The following KAZN variants were observed in gnomAD, a reference collection of about 807,000 sequenced individuals.
The protein encoded by KAZN is kazrin, periplakin interacting protein, also known as kazrin.
KAZN carries 40 observed loss-of-function variants against 87.4 expected under a neutral mutation model. That is an observed-to-expected ratio of 0.46 (90% CI 0.36 to 0.60). The LOEUF (loss-of-function observed/expected upper bound fraction) is 0.60. Ranked by LOEUF, KAZN falls within the 20% of genes least tolerant of loss-of-function variation. The pLI, the probability that KAZN is intolerant of heterozygous loss-of-function variation, is 0.00. For synonymous variants in KAZN, 466 were observed against 458.3 expected, an observed-to-expected ratio of 1.02 and a Z score of -0.22; for missense variants, 898 against 1,073.9, an observed-to-expected ratio of 0.84 and a Z score of 2.29.
At chr1:14,368,759 T>A (rs76290696) in intron 2 of KAZN, among the ~76,000 whole-genome samples, 2 of 152,206 alleles carry the variant, frequency 1.3e-5, no homozygotes, top group South Asian at 4.1e-4. Flanking sequence ...AACAATCGAT[T>A]TTTATAGTGT....
chr1:14,755,729 C>T (rs1403491185), intron 1 of KAZN, among the ~76,000 whole-genome samples: 1 of 152,168 alleles, frequency 6.6e-6, no homozygotes, highest in Non-Finnish European at 1.5e-5. Flanking sequence ...CACGGGGTCC[C>T]TCTTGGAATG....
intron 2 of KAZN, among the ~76,000 whole-genome samples, chr1:14,962,774 C>A (rs894262894): frequency 3.9e-5 from 6 of 152,142 alleles, no homozygotes; most frequent in Admixed American, 3.9e-4. Flanking sequence ...GGATTCTCAC[C>A]CCTATGTGCT....
At chr1:15,051,831 G>A (rs563505817) in intron 4 of KAZN, among the ~76,000 whole-genome samples, 1 of 152,340 alleles carries the variant, frequency 6.6e-6, no homozygotes, top group Non-Finnish European at 1.5e-5. Context: ...CTTATATTGT[G>A]GGACCTTGAA....
intron 2 of KAZN, among the ~76,000 whole-genome samples, chr1:14,260,348 G>A (rs913664608): frequency 1.3e-5 from 2 of 152,210 alleles, no homozygotes; most frequent in Non-Finnish European, 2.9e-5. Context: ...TTACAAGGGA[G>A]GGAGGATGGT....
chr1:14,811,229 C>G (rs536430120), intron 1 of KAZN, among the ~76,000 whole-genome samples: 1 of 150,542 alleles, frequency 6.6e-6, no homozygotes, highest in East Asian at 1.9e-4. Flanking sequence ...ATTAGCACGT[C>G]AGCTTTCTCT....
Position 14,684,553 on chromosome 1 carries a change from T to A in KAZN, c.226+85330T>A, listed in dbSNP as rs183417456. On this transcript the variant is annotated intron_variant, in intron 1 of 14. Coordinates refer to ENST00000376030, the MANE Select transcript of KAZN (RefSeq NM_201628.3). ...GAGGCCAGAAGTGTGGACTGAGTCTTATGGGGCTAAAGGCAAAGTGTTGGC... is the reference window on the plus strand; with the variant it reads ...GAGGCCAGAAGTGTGGACTGAGTCTAATGGGGCTAAAGGCAAAGTGTTGGC... 2.0e-5 allele frequency among the ~76,000 whole-genome samples: 3 copies of A among 152,300 alleles called. No individual in the cohort carries two copies. In the East Asian group the frequency reaches 5.8e-4, roughly 29 times the overall value.
At chr1:14,826,383 T>A (rs1472398571) in intron 1 of KAZN, among the ~76,000 whole-genome samples, 2 of 152,264 alleles carry the variant, frequency 1.3e-5, no homozygotes, top group African/African-American at 4.8e-5. Context: ...TTGTAGAGTT[T>A]CTGATAAACA....
chr1:14,504,830 A>C (rs1670464278), intron 2 of KAZN, among the ~76,000 whole-genome samples: 1 of 152,218 alleles, frequency 6.6e-6, no homozygotes, highest in South Asian at 2.1e-4. Context: ...GTTCAGGTGG[A>C]GGCCAACAAA....
intron 1 of KAZN, among the ~76,000 whole-genome samples, chr1:14,149,061 GCCTT>G (rs537235829): frequency 2.2e-4 from 29 of 129,066 alleles, no homozygotes; most frequent in African/African-American, 8.9e-4. Flanking sequence ...CTGCCTTCCT[GCCTT>G]CCTTCCTTCC....
chr1:14,086,349 T>A (rs1309758532), intron 1 of KAZN, among the ~76,000 whole-genome samples: 1 of 152,024 alleles, frequency 6.6e-6, no homozygotes, highest in African/African-American at 2.4e-5. Flanking sequence ...GCTCCTCCCC[T>A]CCCCCAGGTC....
intron 8 of KAZN, 103 bp downstream of exon 8, chr1:15,065,856 A>G: frequency 6.4e-7 from 1 of 1,557,720 alleles, no homozygotes. Flanking sequence ...GCGTGTGTGC[A>G]AGCGAGCGTG....
intron 2 of KAZN, among the ~76,000 whole-genome samples, chr1:15,024,125 T>A (rs1670952680): frequency 6.6e-6 from 1 of 152,078 alleles, no homozygotes; most frequent in Admixed American, 6.5e-5. Flanking sequence ...AGGTCCAGGC[T>A]GAAGCCTGTG....
intron 4 of KAZN, among the ~76,000 whole-genome samples, chr1:15,050,164 A>AGAT (rs2100426700): frequency 1.5e-5 from 1 of 68,924 alleles, no homozygotes; most frequent in South Asian, 6.0e-4. Flanking sequence ...AGAATGGAAT[A>AGAT]GAATAGAATA....
At chr1:14,299,812 A>G (rs1345564790) in intron 2 of KAZN, among the ~76,000 whole-genome samples, 1 of 152,234 alleles carries the variant, frequency 6.6e-6, no homozygotes, top group Non-Finnish European at 1.5e-5. Context: ...ACTAAAGTTC[A>G]TTAGCCAAAG....
At chr1:14,633,972 G>A (rs1470906485) in intron 1 of KAZN, among the ~76,000 whole-genome samples, 2 of 152,020 alleles carry the variant, frequency 1.3e-5, no homozygotes, top group Non-Finnish European at 2.9e-5. Flanking sequence ...ACAAAATGGG[G>A]TTGTTCTGGT....
intron 1 of KAZN, among the ~76,000 whole-genome samples, chr1:14,078,008 A>G (rs1359545879): frequency 6.6e-6 from 1 of 152,230 alleles, no homozygotes; most frequent in African/African-American, 2.4e-5. Context: ...GTTCTCCAAG[A>G]CTGCGAGAGA....
intron 1 of KAZN, among the ~76,000 whole-genome samples, chr1:14,607,644 T>G (rs1435128639): frequency 6.6e-6 from 1 of 152,208 alleles, no homozygotes; most frequent in African/African-American, 2.4e-5. Flanking sequence ...AGAGGACTGC[T>G]TAGTGCTGAG....
intron 1 of KAZN, among the ~76,000 whole-genome samples, chr1:14,632,312 A>G (rs1198447998): frequency 6.6e-6 from 1 of 152,178 alleles, no homozygotes; most frequent in Non-Finnish European, 1.5e-5. Context: ...CATCCCTTTC[A>G]TGGTTGGTTT....
At position 14,817,488 on chromosome 1, in the gene KAZN, G is replaced by T. The variant is rs551133774; in HGVS notation, c.227-143196G>T. ...ATAAACCACAAGATAGCGTGATATG[G>T]CACAAACATTACTATGGCCACCTTC... On this transcript the variant is annotated intron_variant, in intron 1 of 14. Transcript: ENST00000376030. Among the ~76,000 whole-genome samples, 4 of 152,238 alleles carry T rather than the reference G, an allele frequency of 2.6e-5. No individual in the cohort carries two copies. In the East Asian group the frequency reaches 7.7e-4, roughly 29 times the overall value.
Sources: allele counts gnomAD v4.1 joint callset (sites outside exome capture counted in the v4.1 genomes callset), GRCh38; gene constraint gnomAD v4.1.1; transcripts MANE v1.5; gene names NCBI Gene and HGNC (gene_info 2026-07-23, HGNC 2026-07-21).